Variants in MICAL3 observed in about 807,000 individuals in gnomAD.
The protein encoded by MICAL3 is [F-actin]-monooxygenase MICAL3.
A neutral mutation model predicts 207.4 loss-of-function variants in MICAL3; 62 were observed. The ratio of observed to expected loss-of-function variants is 0.30; its 90% CI spans 0.24 to 0.37. The LOEUF (loss-of-function observed/expected upper bound fraction) is 0.37. Among genes scored for constraint, MICAL3 ranks in the 10% least tolerant of loss-of-function variants. The pLI is 1.00. For missense variants in MICAL3, 2,368 were observed against 2,635.6 expected (o/e 0.90, Z 2.22); for synonymous variants, 1,077 against 1,069.3 (o/e 1.01, Z -0.14).
At chr22:17,951,995 C>T (rs532283010) in intron 1 of MICAL3, among the ~76,000 whole-genome samples, 10 of 152,216 alleles carry the variant, frequency 6.6e-5, no homozygotes, top group South Asian at 2.1e-4. Flanking sequence ...CTGTGCCGGG[C>T]GTAAAATTTC....
intron 19 of MICAL3, chr22:17,864,376 T>G (rs1206373983): frequency 4.6e-6 from 6 of 1,294,692 alleles, no homozygotes; most frequent in Non-Finnish European, 3.0e-6. Flanking sequence ...CCACACACAG[T>G]GACAGGGAAC....
intron 19 of MICAL3, among the ~76,000 whole-genome samples, chr22:17,849,643 AATGTGTGTGTGTGTGTGTGTGT>A (rs1179468886): frequency 4.2e-5 from 5 of 120,162 alleles, no homozygotes; most frequent in African/African-American, 1.3e-4. Context: ...CCCAGAATGG[AATGTGTGTGTGTGTGTGTGTGT>A]GTGTGTGTGT....
chr22:17,994,689 T>C (rs1245226316), intron 1 of MICAL3, among the ~76,000 whole-genome samples: 3 of 146,240 alleles, frequency 2.1e-5, no homozygotes, highest in African/African-American at 7.7e-5. Context: ...CTGGGGCCAC[T>C]CCAGCCGGGG....
chr22:17,984,140 A>G (rs1246885769), intron 1 of MICAL3, among the ~76,000 whole-genome samples: 1 of 152,142 alleles, frequency 6.6e-6, no homozygotes, highest in Non-Finnish European at 1.5e-5. Flanking sequence ...CTGCCAGGCA[A>G]GTTCCATCTA....
chr22:17,857,510 C>T (rs1307124893), intron 19 of MICAL3, among the ~76,000 whole-genome samples: 7 of 152,310 alleles, frequency 4.6e-5, no homozygotes, highest in East Asian at 3.9e-4. Flanking sequence ...GCTCTTCTCC[C>T]GCAGGTGCAG....
chr22:17,852,625 C>T (rs1925454038), intron 19 of MICAL3, among the ~76,000 whole-genome samples: 1 of 152,192 alleles, frequency 6.6e-6, no homozygotes, highest in Non-Finnish European at 1.5e-5. Flanking sequence ...AAATCAGGTA[C>T]CCTCCTTTCC....
rs772622205 is a variant in MICAL3 at position 17,823,058 on chromosome 22, G to A, written c.3196C>T (p.Pro1066Ser). 6 of 1,596,982 alleles carry A rather than the reference G, an allele frequency of 3.8e-6. No homozygotes were observed. The African/African-American group carries it at 6.7e-5, about 18-fold the overall frequency. Residue 1066 changes from proline to serine, a missense_variant and splice_region_variant, in exon 23 of 32, where the codon CCA becomes TCA. This residue lies in a region of MICAL3 where 1,770 missense variants were observed against 1,863.2 expected (regional missense o/e 0.95). Coordinates refer to ENST00000441493, the MANE Select transcript of MICAL3 (RefSeq NM_015241.3). The stretch of plus-strand genomic sequence containing the variant: ...TCCTCTAGGTCATTCTCATCCAATG[G>A]GGCTGCAAAGCAGAAAGGTTCAAAG... ...PASESSASGA[P>S]LDENDLEEDV...
At chr22:17,959,009 G>GTTT (rs1569147355) in intron 1 of MICAL3, among the ~76,000 whole-genome samples, 17 of 118,828 alleles carry the variant, frequency 1.4e-4, no homozygotes, top group African/African-American at 4.6e-4. Context: ...CCGGGCCTGG[G>GTTT]GTTTTTTTTT....
intron 1 of MICAL3, among the ~76,000 whole-genome samples, chr22:17,916,801 C>T (rs921816980): frequency 2.0e-5 from 3 of 152,102 alleles, no homozygotes; most frequent in Non-Finnish European, 4.4e-5. Context: ...GAAATGGCCC[C>T]GGAATCAACT....
chr22:18,006,768 G>C (rs1226707655), intron 1 of MICAL3, among the ~76,000 whole-genome samples: 1 of 152,204 alleles, frequency 6.6e-6, no homozygotes, highest in Non-Finnish European at 1.5e-5. Context: ...GGGAGGTGGA[G>C]GTTGTGATGA....
intron 1 of MICAL3, among the ~76,000 whole-genome samples, chr22:17,939,661 A>C (rs1386834420): frequency 6.6e-6 from 1 of 152,248 alleles, no homozygotes; most frequent in East Asian, 1.9e-4. Flanking sequence ...AATGATTTCC[A>C]AAGGAGCTAG....
intron 16 of MICAL3, chr22:17,875,636 T>C (rs372130228): frequency 1.0e-5 from 8 of 765,116 alleles, no homozygotes; most frequent in South Asian, 1.7e-5. Flanking sequence ...CATAAGATGG[T>C]TGTAGAGCCT....
intron 15 of MICAL3, among the ~76,000 whole-genome samples, chr22:17,886,378 C>A (rs1279860118): frequency 1.3e-5 from 2 of 152,314 alleles, no homozygotes; most frequent in African/African-American, 2.4e-5. Context: ...ACAGAAAAAA[C>A]CAGAGAGGCC....
rs1601974325 is a variant in MICAL3 at position 17,823,050 on chromosome 22, A to C, written c.3204T>G (p.Asp1068Glu). 6.2e-7 allele frequency: 1 copy of C among 1,607,782 alleles called. No homozygotes were observed. The highest frequency in any genetic ancestry group is 2.2e-5 in the East Asian group (1 of 44,810). Residue 1068 changes from aspartate to glutamate, a missense_variant, in exon 23 of 32, where the codon GAT (aspartate) becomes GAG (glutamate). Coordinates refer to ENST00000441493, the MANE Select transcript of MICAL3 (RefSeq NM_015241.3). ...CCACATCTTCCTCTAGGTCATTCTC[A>C]TCCAATGGGGCTGCAAAGCAGAAAG... ...SESSASGAPL[D>E]ENDLEEDVDS...
At position 17,874,844 on chromosome 22, in the gene MICAL3, C is replaced by G. The variant is rs1025873437; in HGVS notation, c.2242-2821G>C. 2.0e-5 allele frequency among the ~76,000 whole-genome samples: 3 copies of G among 151,286 alleles called. No homozygotes were observed. The South Asian group carries it at 6.4e-4, about 32-fold the overall frequency. On this transcript the variant is annotated intron_variant, in intron 16 of 31. Transcript: ENST00000441493. Reference sequence around the variant, plus strand: ...AACTGAACCAGTGCTACTTCAGATCCCGCCGCACACCATACGCGTGCATAT... The same window carrying G: ...AACTGAACCAGTGCTACTTCAGATCGCGCCGCACACCATACGCGTGCATAT...
chr22:17,963,446 T>G (rs11704733), intron 1 of MICAL3, among the ~76,000 whole-genome samples: 30,352 of 151,958 alleles, frequency 0.2, 3,191 homozygotes, highest in Middle Eastern at 0.27. Context: ...AAATGCGGGC[T>G]AAGGACCTGA....
In MICAL3 at chr22:17,882,681, G is replaced by A. The variant is rs138316041; in HGVS notation, c.2241+3197C>T. On this transcript the variant is annotated intron_variant, in intron 16 of 31. Coordinates refer to ENST00000441493, the MANE Select transcript of MICAL3 (RefSeq NM_015241.3). ...TATCTCCCTGCCACCTGGTAAATTC[G>A]CAAATCCCTATTGGATATCCCCTGT... Among the ~76,000 whole-genome samples the A allele has an allele frequency of 1.7e-3, 263 of 152,264 alleles. 1 individual carries two copies. The highest frequency in any genetic ancestry group is 5.8e-3 in the African/African-American group (240 of 41,548).
intron 1 of MICAL3, among the ~76,000 whole-genome samples, chr22:17,993,031 A>G (rs1364896494): frequency 6.6e-6 from 1 of 152,196 alleles, no homozygotes; most frequent in African/African-American, 2.4e-5. Context: ...AAAAGCAGAA[A>G]GTTTATTTGT....
chr22:17,937,341 C>G (rs1234420985), intron 1 of MICAL3, among the ~76,000 whole-genome samples: 1 of 152,164 alleles, frequency 6.6e-6, no homozygotes, highest in African/African-American at 2.4e-5. Context: ...AGCTTTCCCC[C>G]CGATCTACTT....
Sources: gnomAD v4.1 joint callset for allele counts (sites outside exome capture counted in the v4.1 genomes callset) on GRCh38, gnomAD v4.1.1 for gene constraint, gnomAD v4.1.1 regional missense constraint, MANE v1.5 for transcripts, NCBI Gene and HGNC (gene_info 2026-07-23, HGNC 2026-07-21) for gene names.